The following TMEM273 variants were observed in gnomAD, a reference collection of about 807,000 sequenced individuals.
TMEM273 encodes the protein transmembrane protein 273.
Under a neutral mutation model 17.9 loss-of-function variants are expected in TMEM273, and 19 were observed. That is an observed-to-expected ratio of 1.06 (90% CI 0.74 to 1.55). The LOEUF (loss-of-function observed/expected upper bound fraction) is 1.55, where lower values mean the gene tolerates loss of function less well. TMEM273 is among the 40% of genes most tolerant of loss of function. The probability of loss-of-function intolerance (pLI) is 0.00; values close to 1 mark genes in which losing one functional copy is unlikely to be tolerated. For synonymous variants in TMEM273, 66 were observed against 62.0 expected, an observed-to-expected ratio of 1.07 and a Z score of -0.31; for missense variants, 194 against 155.6, an observed-to-expected ratio of 1.25 and a Z score of -1.31.
intron 1 of TMEM273, among the ~76,000 whole-genome samples, chr10:49,172,368 G>A (rs940765050): frequency 3.3e-4 from 50 of 152,100 alleles, no homozygotes; most frequent in African/African-American, 9.7e-4. Context: ...AAAGCTCAGC[G>A]CCTTCCCCAA....
intron 1 of TMEM273, among the ~76,000 whole-genome samples, chr10:49,175,969 A>T (rs1277423135): frequency 6.6e-6 from 1 of 152,244 alleles, no homozygotes; most frequent in South Asian, 2.1e-4. Flanking sequence ...CTCTGTGGGG[A>T]TCTGAAACCT....
At chr10:49,170,246 G>C (rs1846470220) in intron 1 of TMEM273, among the ~76,000 whole-genome samples, 1 of 152,192 alleles carries the variant, frequency 6.6e-6, no homozygotes, top group Non-Finnish European at 1.5e-5. Flanking sequence ...GAAAGGAAGA[G>C]GAGAAAGCCC....
chr10:49,160,221 T>C (rs1200905335), intron 6 of TMEM273: 1 of 152,160 alleles, frequency 6.6e-6, no homozygotes, highest in African/African-American at 2.4e-5. Flanking sequence ...GTATTATTCA[T>C]TTCAGAGGGG....
At chr10:49,171,535 G>A (rs1846569461) in intron 1 of TMEM273, among the ~76,000 whole-genome samples, 3 of 152,178 alleles carry the variant, frequency 2.0e-5, no homozygotes, top group Admixed American at 2.0e-4. Context: ...TCTCCCTGAT[G>A]CCCCATTTGG....
At chr10:49,163,703 A>G (rs1186636647) in intron 5 of TMEM273, among the ~76,000 whole-genome samples, 1 of 152,180 alleles carries the variant, frequency 6.6e-6, no homozygotes, top group Non-Finnish European at 1.5e-5. Flanking sequence ...GGGGACAGAG[A>G]GAAGGAGAGT....
At chr10:49,165,851 G>T (rs1399926212) in intron 3 of TMEM273, 55 bp from the exon 4 acceptor site, 1 of 1,607,214 alleles carries the variant, frequency 6.2e-7, no homozygotes, top group Admixed American at 1.7e-5. Flanking sequence ...GAGGTGCAGA[G>T]CATTCCCTAG....
chr10:49,165,630 C>T lies in TMEM273; in HGVS notation c.269+136G>A, dbSNP rs1418581532. The T allele has an allele frequency of 1.1e-5, 15 of 1,342,038 alleles. No individual in the cohort carries two copies. In the South Asian group the frequency reaches 2.0e-4, roughly 18 times the overall value. The allele number at this position is 1,342,038 out of a possible 1,614,324, so 83.1% of individuals were successfully genotyped here. A position where few individuals can be genotyped will look rare whatever the true frequency, so the allele number is the denominator to read the frequency against. ...AGGAGGAGAGAGTGTAAGGAGGGGA[C>T]CACGAGGTGCATTCTAGTCACCTAG... On this transcript the variant is annotated intron_variant, in intron 4 of 6. Transcript: ENST00000374153.
intron 6 of TMEM273, chr10:49,160,278 A>G (rs1432147012): frequency 6.6e-6 from 1 of 152,206 alleles, no homozygotes; most frequent in Non-Finnish European, 1.5e-5. Flanking sequence ...TCACTCCCTT[A>G]ACCAAGCAAA....
At chr10:49,173,636 A>G (rs560515217) in intron 1 of TMEM273, among the ~76,000 whole-genome samples, 1 of 152,324 alleles carries the variant, frequency 6.6e-6, no homozygotes, top group Admixed American at 6.5e-5. Context: ...GCTCTATGGC[A>G]TGAAGGCCAC....
rs187053981 is a variant in TMEM273, at chr10:49,180,514, G to A, written c.43+7780C>T. ...TATGAGGAAATGCCCCTTTTCTCTC[G>A]ACAGAATGATATCTGAGGAGGCCTG... On this transcript the variant is annotated intron_variant, in intron 1 of 6. Coordinates refer to ENST00000374153, the MANE Select transcript of TMEM273 (RefSeq NM_001288740.3). 1.0e-3 allele frequency among the ~76,000 whole-genome samples: 157 copies of A among 152,224 alleles called. 2 individuals carry two copies. In the East Asian group the frequency reaches 0.027, roughly 26 times the overall value.
At chr10:49,170,680 G>A (rs1459546838) in intron 1 of TMEM273, among the ~76,000 whole-genome samples, 1 of 152,174 alleles carries the variant, frequency 6.6e-6, no homozygotes, top group African/African-American at 2.4e-5. Context: ...AGCCCTTCCT[G>A]CGAGCCAGCC....
chr10:49,167,809 AG>A, intron 2 of TMEM273, 99 bp downstream of exon 2: 3 of 1,476,794 alleles, frequency 2.0e-6, no homozygotes, highest in Non-Finnish European at 1.9e-6. Context: ...TGCTGACAGC[AG>A]GGAACCAATT....
intron 1 of TMEM273, among the ~76,000 whole-genome samples, chr10:49,171,347 T>TAGAGCAG (rs1846556535): frequency 6.6e-6 from 1 of 152,166 alleles, no homozygotes; most frequent in Non-Finnish European, 1.5e-5. Context: ...TGCTGCTGCC[T>TAGAGCAG]AGAGCAGAGA....
At chr10:49,174,585 C>A (rs1846821246) in intron 1 of TMEM273, among the ~76,000 whole-genome samples, 1 of 152,210 alleles carries the variant, frequency 6.6e-6, no homozygotes, top group African/African-American at 2.4e-5. Context: ...CGTCTGCAGA[C>A]CCCTCCCATG....
At chr10:49,186,152 T>A (rs1847713584) in intron 1 of TMEM273, among the ~76,000 whole-genome samples, 1 of 129,550 alleles carries the variant, frequency 7.7e-6, no homozygotes, top group African/African-American at 2.8e-5. Context: ...ACTAAACACA[T>A]GCAAAATATT....
At chr10:49,161,525 A>G in intron 6 of TMEM273, 74 bp downstream of exon 6, 1 of 1,602,768 alleles carries the variant, frequency 6.2e-7, no homozygotes, top group Non-Finnish European at 8.5e-7. Flanking sequence ...GGTCATGCCG[A>G]AAACCCATGC....
intron 1 of TMEM273, among the ~76,000 whole-genome samples, 188 bp from the exon 2 acceptor site, chr10:49,168,150 G>A (rs781219552): frequency 1.3e-5 from 2 of 152,108 alleles, no homozygotes; most frequent in Non-Finnish European, 2.9e-5. Context: ...CTCAGACCAG[G>A]AACGCGTCTC....
chr10:49,185,934 C>T (rs112849222), intron 1 of TMEM273, among the ~76,000 whole-genome samples: 4,913 of 151,040 alleles, frequency 0.033, 113 homozygotes, highest in South Asian at 0.1. Context: ...GCCGAGATCG[C>T]GCCATTGCAC....
At chr10:49,172,975 A>T (rs1178880048) in intron 1 of TMEM273, among the ~76,000 whole-genome samples, 1 of 152,198 alleles carries the variant, frequency 6.6e-6, no homozygotes. Context: ...ATTGGTCAAC[A>T]GGTGGGGCAG....
Sources: allele counts gnomAD v4.1 joint callset (sites outside exome capture counted in the v4.1 genomes callset), GRCh38; gene constraint gnomAD v4.1.1; transcripts MANE v1.5; gene names NCBI Gene and HGNC (gene_info 2026-07-23, HGNC 2026-07-21).